The following PTPRT variants were observed in gnomAD, a reference collection of about 807,000 sequenced individuals.
PTPRT encodes the protein receptor-type tyrosine-protein phosphatase T.
In PTPRT, 56 loss-of-function variants were observed where a neutral mutation model predicts 176.8. The observed-to-expected ratio is 0.32, with a 90% CI of 0.26 to 0.40. The LOEUF is 0.40. Among genes scored for constraint, PTPRT ranks in the 10% least tolerant of loss-of-function variants. The pLI, the probability that PTPRT is intolerant of heterozygous loss-of-function variation, is 1.00. For synonymous variants in PTPRT, 783 were observed against 739.0 expected (o/e 1.06, Z -0.96); for missense variants, 1,540 against 1,908.2 (o/e 0.81, Z 3.60).
At chr20:42,707,429 A>C (rs576532382) in intron 6 of PTPRT, among the ~76,000 whole-genome samples, 1 of 152,266 alleles carries the variant, frequency 6.6e-6, no homozygotes, top group African/African-American at 2.4e-5. Flanking sequence ...TGACATAGTA[A>C]GGTGAACTCT....
At chr20:42,835,347 C>A (rs980821441) in intron 2 of PTPRT, among the ~76,000 whole-genome samples, 2 of 152,080 alleles carry the variant, frequency 1.3e-5, no homozygotes, top group African/African-American at 4.8e-5. Flanking sequence ...GAGATGTAAT[C>A]ACAATATGAG....
chr20:42,166,931 A>T (rs1039145838), intron 16 of PTPRT, among the ~76,000 whole-genome samples: 4 of 151,968 alleles, frequency 2.6e-5, no homozygotes, highest in Non-Finnish European at 5.9e-5. Context: ...TAGAAAAAAA[A>T]AAAAGGGGGG....
At chr20:42,395,720 C>T (rs764334153) in intron 9 of PTPRT, among the ~76,000 whole-genome samples, 3 of 152,102 alleles carry the variant, frequency 2.0e-5, no homozygotes, top group Non-Finnish European at 4.4e-5. Flanking sequence ...AATTCTCAGT[C>T]CTTATTTTAC....
intron 11 of PTPRT, among the ~76,000 whole-genome samples, chr20:42,349,644 G>A (rs1600870684): frequency 1.3e-5 from 2 of 152,156 alleles, no homozygotes; most frequent in Admixed American, 6.5e-5. Flanking sequence ...TTTAGGCCTT[G>A]GGCCCCGCCT....
chr20:42,577,650 C>T (rs1440919233), intron 7 of PTPRT, among the ~76,000 whole-genome samples: 1 of 152,168 alleles, frequency 6.6e-6, no homozygotes, highest in Non-Finnish European at 1.5e-5. Flanking sequence ...AGACTGCTTT[C>T]TCCATCTAGT....
At chr20:42,513,201 G>GT (rs2071990669) in intron 7 of PTPRT, among the ~76,000 whole-genome samples, 4 of 144,666 alleles carry the variant, frequency 2.8e-5, no homozygotes, top group South Asian at 2.2e-4. Flanking sequence ...CTATTGATGG[G>GT]GTGTGTGTGT....
At chr20:42,524,030 C>G (rs926157594) in intron 7 of PTPRT, among the ~76,000 whole-genome samples, 1 of 152,090 alleles carries the variant, frequency 6.6e-6, no homozygotes, top group African/African-American at 2.4e-5. Flanking sequence ...CAGTTGAAGT[C>G]TAAGTAGTAT....
chr20:43,005,318 C>A (rs1231546523), intron 1 of PTPRT, among the ~76,000 whole-genome samples: 1 of 152,134 alleles, frequency 6.6e-6, no homozygotes, highest in East Asian at 1.9e-4. Context: ...CCTGTGACTC[C>A]CGGTGCTCTG....
intron 12 of PTPRT, among the ~76,000 whole-genome samples, chr20:42,302,749 T>G (rs1214949402): frequency 1.3e-5 from 2 of 152,206 alleles, no homozygotes; most frequent in Admixed American, 6.5e-5. Flanking sequence ...GGTGGGTTTT[T>G]GGGGTTTTAT....
At chr20:42,072,368 G>C (rs1230909034), downstream of PTPRT, among the ~76,000 whole-genome samples, 3 of 152,158 alleles carry the variant, frequency 2.0e-5, no homozygotes, top group Non-Finnish European at 4.4e-5. Context: ...CTGAGTTTTG[G>C]GTTGTTTATT....
chr20:42,399,929 G>C (rs903388343), intron 9 of PTPRT, among the ~76,000 whole-genome samples: 1 of 152,104 alleles, frequency 6.6e-6, no homozygotes, highest in Non-Finnish European at 1.5e-5. Flanking sequence ...GTAAATTGAG[G>C]GTGGCCTGTA....
At chr20:42,724,178 T>C in intron 6 of PTPRT, among the ~76,000 whole-genome samples, 1 of 152,250 alleles carries the variant, frequency 6.6e-6, no homozygotes, top group Non-Finnish European at 1.5e-5. Context: ...GCTCACTTTT[T>C]AATCTAATCA....
chr20:42,584,325 T>C (rs2073432663), intron 7 of PTPRT, among the ~76,000 whole-genome samples: 1 of 152,188 alleles, frequency 6.6e-6, no homozygotes, highest in South Asian at 2.1e-4. Flanking sequence ...GGCCTTCCCA[T>C]GGCTGAACCT....
intron 9 of PTPRT, among the ~76,000 whole-genome samples, chr20:42,421,882 A>C (rs1225884433): frequency 6.6e-6 from 1 of 152,096 alleles, no homozygotes; most frequent in African/African-American, 2.4e-5. Context: ...AGAATAGAGA[A>C]CCCAGATATA....
In PTPRT at chr20:42,075,059, T is replaced by C. The variant is rs1046517993; in HGVS notation, c.*5820A>G. 2.6e-6 allele frequency: 1 copy of C among 388,348 alleles called. No individual in the cohort carries two copies. Among genetic ancestry groups the C allele is most frequent in the African/African-American group, 2.1e-5 (1 of 48,554 alleles). 24.1% of individuals were successfully genotyped at this position (388,348 alleles called of 1,614,324 possible). ...TTCAGTCTATGACCTCAAAGGCAGA[T>C]CCCTGCAAGACAAAGCCAAGGCCTT... On this transcript the variant is annotated 3_prime_UTR_variant, in exon 31 of 31. Coordinates refer to ENST00000373187, the MANE Select transcript of PTPRT (RefSeq NM_007050.6).
At chr20:42,389,633 G>C (rs937021674) in intron 9 of PTPRT, among the ~76,000 whole-genome samples, 1 of 151,978 alleles carries the variant, frequency 6.6e-6, no homozygotes, top group Non-Finnish European at 1.5e-5. Context: ...GAGACTTCTT[G>C]CTTGAGTCTA....
At chr20:42,609,819 G>A (rs2073944359) in intron 7 of PTPRT, among the ~76,000 whole-genome samples, 1 of 152,220 alleles carries the variant, frequency 6.6e-6, no homozygotes, top group Admixed American at 6.5e-5. Flanking sequence ...TCTATGATGG[G>A]CAATTGGATA....
chr20:42,210,244 G>T (rs1264185849), intron 15 of PTPRT, among the ~76,000 whole-genome samples: 1 of 152,176 alleles, frequency 6.6e-6, no homozygotes, highest in East Asian at 1.9e-4. Flanking sequence ...GCACAAGACA[G>T]GGATGCCCTC....
At chr20:42,650,519 T>C (rs1301756563) in intron 7 of PTPRT, among the ~76,000 whole-genome samples, 3 of 152,136 alleles carry the variant, frequency 2.0e-5, no homozygotes, top group African/African-American at 7.2e-5. Flanking sequence ...AAATCAGGGA[T>C]TGGACTAAAC....
Sources: gnomAD v4.1 joint callset for allele counts (sites outside exome capture counted in the v4.1 genomes callset) on GRCh38, gnomAD v4.1.1 for gene constraint, MANE v1.5 for transcripts, NCBI Gene and HGNC (gene_info 2026-07-23, HGNC 2026-07-21) for gene names.